Variants in RHBDD1 observed in about 807,000 individuals in gnomAD.
RHBDD1 encodes the protein rhomboid domain containing 1.
In RHBDD1, 38 loss-of-function variants were observed where a neutral mutation model predicts 36.3. The observed-to-expected ratio is 1.05, with a 90% CI of 0.81 to 1.37. RHBDD1 has a LOEUF of 1.37. Ranked by LOEUF, RHBDD1 falls within the 40% of genes most tolerant of loss-of-function variation. RHBDD1 has a pLI of 0.00. For synonymous variants in RHBDD1, 151 were observed against 136.5 expected (o/e 1.11, Z -0.74); for missense variants, 393 against 377.6 (o/e 1.04, Z -0.34).
At chr2:226,865,933 C>T (rs1420700824) in intron 4 of RHBDD1, among the ~76,000 whole-genome samples, 3 of 152,166 alleles carry the variant, frequency 2.0e-5, no homozygotes, top group South Asian at 2.1e-4. Flanking sequence ...TGGATGACTT[C>T]GTTAATAAAT....
chr2:226,810,524 G>C, the RHBDD1 span, among the ~76,000 whole-genome samples: 748 of 86,198 alleles, frequency 8.7e-3, 9 homozygotes, highest in South Asian at 0.041. Flanking sequence ...CTGAGCAAAA[G>C]AGCAAGACTC....
chr2:226,924,386 C>T (rs888671332), intron 8 of RHBDD1, among the ~76,000 whole-genome samples: 1 of 152,136 alleles, frequency 6.6e-6, no homozygotes, highest in South Asian at 2.1e-4. Flanking sequence ...GTATCCAAGT[C>T]GCAAAACAAA....
chr2:226,817,168 T>A, the RHBDD1 span, among the ~76,000 whole-genome samples: 2 of 152,222 alleles, frequency 1.3e-5, no homozygotes. Context: ...CCTAGTAATA[T>A]GTTTATTCCT....
Position 226,956,479 on chromosome 2 carries a change from C to A in RHBDD1, c.857-38952C>A, listed in dbSNP as rs1284630056. ...ACCTATCATCACCAGTCCCCAAGTT[C>A]TCCTGCTCATGATTTCAGGGTGTAG... On this transcript the variant is annotated intron_variant, in intron 8 of 8. Coordinates refer to ENST00000392062, the MANE Select transcript of RHBDD1 (RefSeq NM_001167608.3). 5.9e-5 allele frequency among the ~76,000 whole-genome samples: 9 copies of A among 152,212 alleles called. No homozygotes were observed. In the East Asian group the frequency reaches 1.7e-3, roughly 29 times the overall value.
At chr2:226,932,371 A>C (rs1324934390) in intron 8 of RHBDD1, among the ~76,000 whole-genome samples, 1 of 152,140 alleles carries the variant, frequency 6.6e-6, no homozygotes, top group Admixed American at 6.6e-5. Flanking sequence ...CTGTATCCCT[A>C]CTGATTGTCT....
intron 8 of RHBDD1, 152 bp downstream of exon 8, chr2:226,914,503 G>A: frequency 1.2e-6 from 1 of 803,474 alleles, no homozygotes; most frequent in South Asian, 2.1e-5. Flanking sequence ...TACAAAGAAT[G>A]GGGTGTGATG....
chr2:226,956,134 G>C (rs578150509), intron 8 of RHBDD1, among the ~76,000 whole-genome samples: 6 of 152,282 alleles, frequency 3.9e-5, no homozygotes, highest in African/African-American at 1.2e-4. Flanking sequence ...TGCTATCAAA[G>C]TACCATTGAA....
chr2:226,802,983 A>T, the RHBDD1 span, among the ~76,000 whole-genome samples: 1 of 152,246 alleles, frequency 6.6e-6, no homozygotes, highest in African/African-American at 2.4e-5. Flanking sequence ...AGTTGGGTGG[A>T]TGTAAAACTA....
chr2:226,973,112 C>G (rs1953900439), intron 8 of RHBDD1, among the ~76,000 whole-genome samples: 1 of 152,148 alleles, frequency 6.6e-6, no homozygotes, highest in East Asian at 1.9e-4. Flanking sequence ...GGACTTCAGC[C>G]TCGGGGTTCT....
At chr2:226,842,808 C>T (rs927285027) in intron 3 of RHBDD1, among the ~76,000 whole-genome samples, 6 of 152,032 alleles carry the variant, frequency 3.9e-5, no homozygotes, top group South Asian at 2.1e-4. Flanking sequence ...TCTAAATCTG[C>T]GAACAATGTC....
At chr2:226,851,007 A>G (rs1466779059) in intron 3 of RHBDD1, among the ~76,000 whole-genome samples, 2 of 152,066 alleles carry the variant, frequency 1.3e-5, no homozygotes, top group Non-Finnish European at 2.9e-5. Context: ...AAATAAAACA[A>G]CTTAACTCCT....
chr2:226,853,493 G>A (rs1050258210), intron 3 of RHBDD1, among the ~76,000 whole-genome samples: 4 of 152,232 alleles, frequency 2.6e-5, no homozygotes, highest in African/African-American at 9.6e-5. Flanking sequence ...GGTCACAGCT[G>A]GGAGGCAGGA....
At chr2:226,950,721 T>C (rs1951358603) in intron 8 of RHBDD1, among the ~76,000 whole-genome samples, 1 of 152,220 alleles carries the variant, frequency 6.6e-6, no homozygotes, top group South Asian at 2.1e-4. Context: ...TCAATTAGCA[T>C]TTCCCTGATA....
the RHBDD1 span, among the ~76,000 whole-genome samples, chr2:226,809,724 GT>G: frequency 1.4e-4 from 21 of 152,106 alleles, no homozygotes; most frequent in Non-Finnish European, 3.1e-4. Flanking sequence ...TTAGACAAAA[GT>G]TTATATCTAG....
chr2:226,809,328 CA>C, the RHBDD1 span, among the ~76,000 whole-genome samples: 1 of 152,154 alleles, frequency 6.6e-6, no homozygotes, highest in Non-Finnish European at 1.5e-5. Flanking sequence ...GATCTAGCAT[CA>C]TGTTTGTGTT....
At chr2:226,867,370 G>A in intron 5 of RHBDD1, 52 bp downstream of exon 5, 1 of 1,549,842 alleles carries the variant, frequency 6.5e-7, no homozygotes, top group Non-Finnish European at 8.7e-7. Flanking sequence ...GTTCTGTGGA[G>A]AAAAAAATTG....
intron 3 of RHBDD1, among the ~76,000 whole-genome samples, chr2:226,840,506 A>G (rs974651568): frequency 6.6e-6 from 1 of 152,228 alleles, no homozygotes; most frequent in Non-Finnish European, 1.5e-5. Flanking sequence ...GCTTTAACAT[A>G]ATACCCTATT....
chr2:226,883,596 TATA>T lies in RHBDD1; in HGVS notation c.566+16281_566+16283del, dbSNP rs202172505. Among the ~76,000 whole-genome samples the T allele has an allele frequency of 1.1e-4, 16 of 152,324 alleles. No homozygotes were observed. The East Asian group carries it at 2.9e-3, about 28-fold the overall frequency. On this transcript the variant is annotated intron_variant, in intron 5 of 8. Coordinates refer to ENST00000392062, the MANE Select transcript of RHBDD1 (RefSeq NM_001167608.3). ...AAACTAATTGGCCATCATGCTGGGA[TATA>T]ATTGTGGGTGTGTGGATGATAACAC...
the RHBDD1 span, among the ~76,000 whole-genome samples, chr2:226,810,656 T>C: frequency 6.6e-6 from 1 of 151,618 alleles, no homozygotes; most frequent in Non-Finnish European, 1.5e-5. Flanking sequence ...ATCCTCATCA[T>C]TTCCAGATTG....
Sources: allele counts gnomAD v4.1 joint callset (sites outside exome capture counted in the v4.1 genomes callset), GRCh38; gene constraint gnomAD v4.1.1; transcripts MANE v1.5; gene names NCBI Gene and HGNC (gene_info 2026-07-23, HGNC 2026-07-21).